The following FHIT variants were observed in gnomAD, a reference collection of about 807,000 sequenced individuals.
FHIT encodes the protein bis(5'-adenosyl)-triphosphatase.
In FHIT, 19 loss-of-function variants were observed where a neutral mutation model predicts 17.9. The ratio of observed to expected loss-of-function variants is 1.06; its 90% CI spans 0.74 to 1.56. The LOEUF (loss-of-function observed/expected upper bound fraction) is 1.56. Ranked by LOEUF, FHIT falls within the 40% of genes most tolerant of loss-of-function variation. The pLI, the probability that FHIT is intolerant of heterozygous loss-of-function variation, is 0.00. For missense variants in FHIT, 248 were observed against 189.2 expected (o/e 1.31, Z -1.82); for synonymous variants, 81 against 69.7 (o/e 1.16, Z -0.81).
At chr3:60,289,031 C>A (rs998757499) in intron 5 of FHIT, among the ~76,000 whole-genome samples, 4 of 152,134 alleles carry the variant, frequency 2.6e-5, no homozygotes, top group Admixed American at 6.5e-5. Context: ...GTGAAGATAT[C>A]ATTTTTTTAA....
At chr3:60,948,766 CA>C (rs1467814875) in intron 3 of FHIT, among the ~76,000 whole-genome samples, 1 of 152,112 alleles carries the variant, frequency 6.6e-6, no homozygotes, top group African/African-American at 2.4e-5. Context: ...AGGCAATCCA[CA>C]ACAAAACAAT....
chr3:61,230,333 G>T (rs2040068654), intron 1 of FHIT, among the ~76,000 whole-genome samples: 1 of 152,050 alleles, frequency 6.6e-6, no homozygotes, highest in South Asian at 2.1e-4. Flanking sequence ...ATCTGGTTGT[G>T]CAAAGGTGTA....
intron 7 of FHIT, among the ~76,000 whole-genome samples, chr3:59,975,550 T>C (rs1708371783): frequency 6.6e-6 from 1 of 152,110 alleles, no homozygotes; most frequent in Admixed American, 6.6e-5. Context: ...GGAACTATTA[T>C]CATTCTCTTT....
chr3:60,177,009 A>G (rs1049222082), intron 5 of FHIT, among the ~76,000 whole-genome samples: 1 of 152,026 alleles, frequency 6.6e-6, no homozygotes, highest in African/African-American at 2.4e-5. Flanking sequence ...AATACAACAT[A>G]AAATTGTGGG....
At chr3:60,043,809 C>A (rs1242570478) in intron 5 of FHIT, among the ~76,000 whole-genome samples, 2 of 152,138 alleles carry the variant, frequency 1.3e-5, no homozygotes, top group African/African-American at 4.8e-5. Flanking sequence ...GCAAAAAAGT[C>A]CGACCCAGCT....
At chr3:60,627,682 C>A (rs1553681353) in intron 4 of FHIT, among the ~76,000 whole-genome samples, 1 of 152,120 alleles carries the variant, frequency 6.6e-6, no homozygotes, top group Non-Finnish European at 1.5e-5. Flanking sequence ...TGCCACCACA[C>A]CCGGCTAATT....
At chr3:60,546,688 A>G (rs983142283) in intron 4 of FHIT, among the ~76,000 whole-genome samples, 8 of 152,054 alleles carry the variant, frequency 5.3e-5, no homozygotes, top group African/African-American at 1.9e-4. Flanking sequence ...CTTTTCCTCA[A>G]AACTAGGCTA....
chr3:60,132,114 C>T lies in FHIT; in HGVS notation c.104-117962G>A, dbSNP rs1380303874. Among the ~76,000 whole-genome samples the T allele has an allele frequency of 3.3e-5, 5 of 152,246 alleles. No individual in the cohort carries two copies. In the South Asian group the frequency reaches 1.0e-3, roughly 32 times the overall value. ...CACATCTTTCAGGCTGAGACAGAACCCTCCTCCAGAGAGCTTTCCATGTCC... is the reference window on the plus strand; with the variant it reads ...CACATCTTTCAGGCTGAGACAGAACTCTCCTCCAGAGAGCTTTCCATGTCC... On this transcript the variant is annotated intron_variant, in intron 5 of 9. Transcript: ENST00000492590.
intron 8 of FHIT, among the ~76,000 whole-genome samples, chr3:59,912,772 G>A (rs900574325): frequency 2.0e-5 from 3 of 152,182 alleles, no homozygotes; most frequent in Non-Finnish European, 4.4e-5. Flanking sequence ...AATGTAAGAA[G>A]GATTTCCAGC....
chr3:60,252,720 G>A (rs1230850316), intron 5 of FHIT, among the ~76,000 whole-genome samples: 2 of 152,086 alleles, frequency 1.3e-5, no homozygotes, highest in African/African-American at 4.8e-5. Context: ...GCTGGGCGCG[G>A]TGGCTCATGC....
Position 60,544,159 on chromosome 3 carries a change from G to C in FHIT, c.-17-7180C>G, listed in dbSNP as rs1409300299. 2.6e-5 allele frequency among the ~76,000 whole-genome samples: 4 copies of C among 151,602 alleles called. No homozygotes were observed. The South Asian group carries it at 6.2e-4, about 24-fold the overall frequency. On this transcript the variant is annotated intron_variant, in intron 4 of 9. Transcript: ENST00000492590. The stretch of plus-strand genomic sequence containing the variant: ...CATGTTTCTTTGTCATACTGCATTG[G>C]TCAGCTATGTGGTAATGTATTGAGA...
chr3:60,331,317 C>T (rs1709962979), intron 5 of FHIT, among the ~76,000 whole-genome samples: 1 of 152,096 alleles, frequency 6.6e-6, no homozygotes, highest in Admixed American at 6.6e-5. Flanking sequence ...GATATAGGTT[C>T]CCCTCTCCCC....
intron 5 of FHIT, among the ~76,000 whole-genome samples, chr3:60,117,183 T>C (rs1329783117): frequency 6.6e-6 from 1 of 152,148 alleles, no homozygotes; most frequent in African/African-American, 2.4e-5. Flanking sequence ...GTAGTTGGCT[T>C]GAATTCCAGA....
chr3:61,204,606 T>A (rs548481535), intron 1 of FHIT, among the ~76,000 whole-genome samples: 1 of 150,984 alleles, frequency 6.6e-6, no homozygotes, highest in South Asian at 2.1e-4. Context: ...GGAATCAGGG[T>A]AAGTACATCT....
chr3:60,728,253 C>T (rs969310880), intron 4 of FHIT, among the ~76,000 whole-genome samples: 1 of 152,178 alleles, frequency 6.6e-6, no homozygotes, highest in African/African-American at 2.4e-5. Context: ...ATTTCTCAAA[C>T]TCAACTTTAT....
At chr3:59,932,761 G>A (rs912854028) in intron 7 of FHIT, among the ~76,000 whole-genome samples, 15 of 151,954 alleles carry the variant, frequency 9.9e-5, no homozygotes, top group Non-Finnish European at 1.5e-4. Flanking sequence ...AGTGAGAGAC[G>A]ATTACACTTC....
At chr3:60,744,263 C>CAAAAAAAAAAGAAAAAAAAAAAAAAAA (rs1201886354) in intron 4 of FHIT, among the ~76,000 whole-genome samples, 1 of 85,986 alleles carries the variant, frequency 1.2e-5, no homozygotes. Context: ...AAAAACAAAA[C>CAAAAAAAAAAGAAAAAAAAAAAAAAAA]AAAACAAAAA....
chr3:60,782,498 C>A (rs1700427797), intron 4 of FHIT, among the ~76,000 whole-genome samples: 1 of 151,964 alleles, frequency 6.6e-6, no homozygotes. Flanking sequence ...TTGAGAGAAG[C>A]CAGTTACAAT....
intron 3 of FHIT, among the ~76,000 whole-genome samples, chr3:60,857,382 G>C (rs1048179813): frequency 2.0e-4 from 30 of 152,152 alleles, no homozygotes; most frequent in Non-Finnish European, 2.2e-4. Context: ...TAAGGTATCA[G>C]ACAGCATTTG....
Sources: allele counts gnomAD v4.1 joint callset (sites outside exome capture counted in the v4.1 genomes callset), GRCh38; gene constraint gnomAD v4.1.1; transcripts MANE v1.5; gene names NCBI Gene and HGNC (gene_info 2026-07-23, HGNC 2026-07-21).